FRMPD4: variants seen among roughly 807,000 people sequenced by gnomAD.
FRMPD4 encodes FERM and PDZ domain containing 4.
A neutral mutation model predicts 94.1 loss-of-function variants in FRMPD4; 22 were observed. That is an observed-to-expected ratio of 0.23 (90% confidence interval 0.17 to 0.33). The LOEUF is 0.33. FRMPD4 is among the 10% of genes least tolerant of loss of function. The pLI is 1.00. For synonymous variants in FRMPD4, 631 were observed against 548.6 expected, an observed-to-expected ratio of 1.15 and a Z score of -2.10; for missense variants, 1,111 against 1,339.9, an observed-to-expected ratio of 0.83 and a Z score of 2.67.
At chrX:12,112,012 T>G (rs2055367259) in intron 3 of FRMPD4, among the ~76,000 whole-genome samples, 1 of 111,665 alleles carries the variant, frequency 9.0e-6, no homozygotes, top group South Asian at 3.8e-4. Context: ...AGTGTGGCGA[T>G]TCCTCAAGGA....
At chrX:11,888,097 G>A (rs1223625799) in intron 3 of FRMPD4, among the ~76,000 whole-genome samples, 7 of 111,455 alleles carry the variant, frequency 6.3e-5, no homozygotes, top group African/African-American at 2.3e-4. Context: ...TCATTTTATT[G>A]GACTATCATT....
At chrX:12,053,659 G>T (rs1298968608) in intron 3 of FRMPD4, among the ~76,000 whole-genome samples, 1 of 111,701 alleles carries the variant, frequency 9.0e-6, no homozygotes, top group Non-Finnish European at 1.9e-5. Flanking sequence ...CTGAATTGTG[G>T]CCAGTTCTTA....
chrX:12,232,742 A>T (rs1415859680), intron 1 of FRMPD4, among the ~76,000 whole-genome samples: 2 of 111,983 alleles, frequency 1.8e-5, no homozygotes, highest in African/African-American at 3.2e-5. Context: ...ACAATTTATT[A>T]AACGACCAGA....
At chrX:12,510,894 C>T (rs193098580) in intron 2 of FRMPD4, among the ~76,000 whole-genome samples, 256 of 111,712 alleles carry the variant, frequency 2.3e-3, no homozygotes, top group Middle Eastern at 4.6e-3. Flanking sequence ...TGGTGAAGCA[C>T]TGGTGGCCTT....
chrX:11,873,786 A>G (rs930813321), intron 2 of FRMPD4, among the ~76,000 whole-genome samples: 1 of 111,301 alleles, frequency 9.0e-6, no homozygotes, highest in African/African-American at 3.3e-5. Context: ...TAGAATAGCG[A>G]AAACAATTTT....
intron 1 of FRMPD4, among the ~76,000 whole-genome samples, chrX:12,195,434 A>G (rs1316563483): frequency 1.8e-5 from 2 of 112,227 alleles, no homozygotes; most frequent in Non-Finnish European, 3.8e-5. Flanking sequence ...GGAGGAATCC[A>G]TGCACAGGCT....
chrX:12,406,477 T>C (rs1273115587), intron 1 of FRMPD4, among the ~76,000 whole-genome samples: 3 of 111,984 alleles, frequency 2.7e-5, no homozygotes, highest in Non-Finnish European at 3.8e-5. Context: ...TTAAAAAATA[T>C]CCTCACCACA....
chrX:11,849,492 G>A (rs1348874362), intron 1 of FRMPD4, among the ~76,000 whole-genome samples: 2 of 111,210 alleles, frequency 1.8e-5, no homozygotes, highest in Admixed American at 9.6e-5. Context: ...AAAGTTGGGG[G>A]CCTCATACTT....
chrX:12,571,353 AC>A (rs1428467860), intron 2 of FRMPD4, among the ~76,000 whole-genome samples: 1 of 112,797 alleles, frequency 8.9e-6, no homozygotes, highest in African/African-American at 3.2e-5. Context: ...TATGGGATGT[AC>A]TTTTTTGTTA....
chrX:12,575,470 T>C (rs1315663586), intron 2 of FRMPD4, among the ~76,000 whole-genome samples: 1 of 111,325 alleles, frequency 9.0e-6, no homozygotes, highest in Admixed American at 9.5e-5. Context: ...AATTCAGTGG[T>C]TCTTGAATTC....
chrX:12,343,489 G>C (rs764135548), intron 1 of FRMPD4, among the ~76,000 whole-genome samples: 1 of 110,920 alleles, frequency 9.0e-6, no homozygotes, highest in Non-Finnish European at 1.9e-5. Context: ...CTCTAGGGAT[G>C]TAAGAGTTGA....
chrX:11,953,594 C>T (rs1051102524), intron 3 of FRMPD4, among the ~76,000 whole-genome samples: 7 of 111,269 alleles, frequency 6.3e-5, no homozygotes, highest in Admixed American at 2.9e-4. Context: ...TGCAATAGGA[C>T]GAATGGTCCC....
At chrX:12,673,934 G>A (rs1041940211) in intron 4 of FRMPD4, among the ~76,000 whole-genome samples, 2 of 111,883 alleles carry the variant, frequency 1.8e-5, no homozygotes, top group African/African-American at 6.5e-5. Flanking sequence ...TTCTTCCAGG[G>A]AACAGCCTTG....
Position 12,721,248 on chromosome X carries a change from C to T in FRMPD4, c.4679C>T (p.Ser1560Phe), listed in dbSNP as rs1256855906. ...VAIQKQRGEL[S>F]RGSVLKVWAE... is the part of the protein sequence containing the mutation. ...ATTCAGAAGCAACGAGGGGAGCTAT[C>T]CAGAGGGTCAGTGCTGAAGGTCTGG... Residue 1560 changes from serine to phenylalanine, a missense_variant, in exon 17 of 17, where the codon TCC becomes TTC. Ser to Phe is a radical substitution (Grantham distance 155). Coordinates refer to ENST00000675598, the MANE Select transcript of FRMPD4 (RefSeq NM_001368397.1). 3 of 754,169 alleles carry T rather than the reference C, an allele frequency of 4.0e-6. No individual in the cohort carries two copies. In the African/African-American group the frequency reaches 7.0e-5, roughly 18 times the overall value. The allele number at this position is 754,169 out of a possible 1,213,427, so 62.2% of individuals were successfully genotyped here.
chrX:12,330,766 G>T (rs1011906301), intron 1 of FRMPD4, among the ~76,000 whole-genome samples: 3 of 111,043 alleles, frequency 2.7e-5, no homozygotes, highest in Admixed American at 9.6e-5. Flanking sequence ...TGACACCCTC[G>T]TGATGCTCCC....
At position 12,392,632 on chromosome X, in the gene FRMPD4, G is replaced by A. The variant is rs753684148; in HGVS notation, c.42-106048G>A. ...CATGCCACTGCACCCCAGCCTGGGC[G>A]ACAGAGTGAGACTTCGTCTCAAAAA... On this transcript the variant is annotated intron_variant, in intron 1 of 16. Transcript: ENST00000675598. Among the ~76,000 whole-genome samples, 15 of 110,478 alleles carry A rather than the reference G, an allele frequency of 1.4e-4. No individual in the cohort carries two copies. The South Asian group carries it at 3.6e-3, about 27-fold the overall frequency.
At chrX:12,515,366 G>A (rs987857762) in intron 2 of FRMPD4, among the ~76,000 whole-genome samples, 3 of 110,845 alleles carry the variant, frequency 2.7e-5, no homozygotes, top group Non-Finnish European at 5.7e-5. Flanking sequence ...CTTTATCTGC[G>A]TCCCAGAGAT....
At chrX:12,528,874 TA>T (rs1288831976) in intron 2 of FRMPD4, among the ~76,000 whole-genome samples, 1 of 112,561 alleles carries the variant, frequency 8.9e-6, no homozygotes, top group Non-Finnish European at 1.9e-5. Flanking sequence ...GCCTTCTTTG[TA>T]TTGACATTTA....
chrX:12,050,241 T>C (rs1475721082), intron 3 of FRMPD4, among the ~76,000 whole-genome samples: 1 of 111,711 alleles, frequency 9.0e-6, no homozygotes, highest in Non-Finnish European at 1.9e-5. Context: ...GCTCCATTCA[T>C]AGTAAGTGCT....
Sources: gnomAD v4.1 joint callset for allele counts (sites outside exome capture counted in the v4.1 genomes callset) on GRCh38, gnomAD v4.1.1 for gene constraint, MANE v1.5 for transcripts, NCBI Gene and HGNC (gene_info 2026-07-23, HGNC 2026-07-21) for gene names.